NKAIN2: variants seen among roughly 807,000 people sequenced by gnomAD.
The protein encoded by NKAIN2 is sodium/potassium transporting ATPase interacting 2.
Under a neutral mutation model 32.6 loss-of-function variants are expected in NKAIN2, and 14 were observed. The ratio of observed to expected loss-of-function variants is 0.43; its 90% CI spans 0.28 to 0.67. The LOEUF (loss-of-function observed/expected upper bound fraction) is 0.67. NKAIN2 is among the 30% of genes least tolerant of loss of function. NKAIN2 has a pLI of 0.17. For missense variants in NKAIN2, 198 were observed against 258.3 expected (o/e 0.77, Z 1.60); for synonymous variants, 80 against 87.2 (o/e 0.92, Z 0.46).
At chr6:124,345,093 T>C in intron 2 of NKAIN2, among the ~76,000 whole-genome samples, 1 of 152,186 alleles carries the variant, frequency 6.6e-6, no homozygotes, top group Non-Finnish European at 1.5e-5. Context: ...GAGATAATCA[T>C]GTGGGTTTTG....
In NKAIN2 at chr6:124,445,288, A is replaced by G. The variant is rs541559893; in HGVS notation, c.273+89941A>G. On this transcript the variant is annotated intron_variant, in intron 3 of 6. Coordinates refer to ENST00000368417, the MANE Select transcript of NKAIN2 (RefSeq NM_001040214.3). Reference sequence around the variant, plus strand: ...TTTTTGGTTTTTGCTCTTCTTTGCTATTTGAGGTTTTATGTTGTCCCTATA... The same window carrying G: ...TTTTTGGTTTTTGCTCTTCTTTGCTGTTTGAGGTTTTATGTTGTCCCTATA... Among the ~76,000 whole-genome samples the G allele has an allele frequency of 3.1e-4, 47 of 152,186 alleles. No individual in the cohort carries two copies. In the South Asian group the frequency reaches 9.3e-3, roughly 30 times the overall value.
Position 124,413,195 on chromosome 6 carries a change from C to G in NKAIN2, c.273+57848C>G, listed in dbSNP as rs76851295. ...CACCCCATGTCCTGCAGCCACTGTC[C>G]GGCACTCCCCAGTGAGATGAACCCA... On this transcript the variant is annotated intron_variant, in intron 3 of 6. Transcript: ENST00000368417. Among the ~76,000 whole-genome samples, 1,449 of 152,220 alleles carry G rather than the reference C, an allele frequency of 9.5e-3. 20 individuals are homozygous for G. The highest frequency in any genetic ancestry group is 0.033 in the African/African-American group (1,383 of 41,522).
At chr6:124,742,591 T>C (rs930964907) in intron 4 of NKAIN2, among the ~76,000 whole-genome samples, 1 of 151,902 alleles carries the variant, frequency 6.6e-6, no homozygotes, top group African/African-American at 2.4e-5. Context: ...CCAGTTCTCA[T>C]AATAAATATA....
intron 1 of NKAIN2, among the ~76,000 whole-genome samples, chr6:124,028,212 T>C (rs1781206715): frequency 6.6e-6 from 1 of 152,136 alleles, no homozygotes; most frequent in Admixed American, 6.6e-5. Context: ...TAGCTTTAAA[T>C]CCTATTCTCT....
chr6:124,198,098 G>C (rs1790411184), intron 1 of NKAIN2, among the ~76,000 whole-genome samples: 1 of 151,942 alleles, frequency 6.6e-6, no homozygotes, highest in African/African-American at 2.4e-5. Flanking sequence ...AATAACTCTA[G>C]ATATGGGCTA....
intron 5 of NKAIN2, among the ~76,000 whole-genome samples, chr6:124,813,247 A>C (rs9385352): frequency 0.097 from 14,835 of 152,182 alleles, 1,256 homozygotes; most frequent in East Asian, 0.51. Flanking sequence ...CAGCAAAGGT[A>C]GTTTCTGATA....
chr6:124,487,513 T>C (rs1777698312), intron 3 of NKAIN2, among the ~76,000 whole-genome samples: 2 of 152,146 alleles, frequency 1.3e-5, no homozygotes. Context: ...ATGCCTGAGA[T>C]GAGAATTGAA....
chr6:124,217,014 T>C (rs1392518561), intron 1 of NKAIN2, among the ~76,000 whole-genome samples: 1 of 152,090 alleles, frequency 6.6e-6, no homozygotes, highest in South Asian at 2.1e-4. Flanking sequence ...TAATAATAAA[T>C]ATAAAATACA....
At chr6:123,887,407 C>A (rs1478816901) in intron 1 of NKAIN2, among the ~76,000 whole-genome samples, 1 of 152,124 alleles carries the variant, frequency 6.6e-6, no homozygotes, top group Non-Finnish European at 1.5e-5. Flanking sequence ...TTTTAGCACA[C>A]TTATCTTTAC....
intron 4 of NKAIN2, among the ~76,000 whole-genome samples, chr6:124,741,983 T>C (rs1777232650): frequency 6.6e-6 from 1 of 151,850 alleles, no homozygotes; most frequent in Non-Finnish European, 1.5e-5. Context: ...AATGAAAGTG[T>C]GGAATGTTCA....
chr6:124,174,753 C>G (rs1433991823), intron 1 of NKAIN2, among the ~76,000 whole-genome samples: 1 of 152,074 alleles, frequency 6.6e-6, no homozygotes, highest in Non-Finnish European at 1.5e-5. Context: ...GTCATATGAC[C>G]AAACCAACTA....
At chr6:124,720,687 G>A (rs928153596) in intron 4 of NKAIN2, among the ~76,000 whole-genome samples, 17 of 152,132 alleles carry the variant, frequency 1.1e-4, no homozygotes, top group Non-Finnish European at 2.4e-4. Flanking sequence ...ATAGCCACAC[G>A]GGTGTTGCAA....
chr6:124,619,782 A>G (rs980675254), intron 3 of NKAIN2, among the ~76,000 whole-genome samples: 2 of 152,166 alleles, frequency 1.3e-5, no homozygotes, highest in Non-Finnish European at 2.9e-5. Context: ...AGTGTCTCCT[A>G]TTTCCTTTTA....
intron 2 of NKAIN2, among the ~76,000 whole-genome samples, chr6:124,326,836 G>A (rs1478604864): frequency 6.6e-6 from 1 of 152,056 alleles, no homozygotes; most frequent in Admixed American, 6.6e-5. Context: ...CTACCAGGAG[G>A]GCATAGGTAA....
intron 1 of NKAIN2, among the ~76,000 whole-genome samples, chr6:123,956,636 G>C (rs917849085): frequency 6.6e-6 from 1 of 152,170 alleles, no homozygotes; most frequent in African/African-American, 2.4e-5. Context: ...ATGGCAGCCT[G>C]AGCTGATGAA....
chr6:124,442,364 C>CT (rs5879735), intron 3 of NKAIN2, among the ~76,000 whole-genome samples: 136,289 of 152,024 alleles, frequency 0.9, 61,340 homozygotes, highest in African/African-American at 0.97. Context: ...CATCAATGCC[C>CT]TTTTTTCTTT....
intron 5 of NKAIN2, among the ~76,000 whole-genome samples, chr6:124,794,650 T>G (rs534899376): frequency 6.6e-6 from 1 of 152,156 alleles, no homozygotes; most frequent in Non-Finnish European, 1.5e-5. Context: ...GCCTCAGATG[T>G]TCATGGGACT....
Position 124,712,082 on chromosome 6 carries a change from A to T in NKAIN2, c.474+53696A>T, listed in dbSNP as rs536772664. On this transcript the variant is annotated intron_variant, in intron 4 of 6. Coordinates refer to ENST00000368417, the MANE Select transcript of NKAIN2 (RefSeq NM_001040214.3). ...GTCTGTTGGAATACCCTGCCGTGTG[A>T]GGTGTCAGTGTGCCCCTGCTGGGGG... Among the ~76,000 whole-genome samples, 5 of 151,202 alleles carry T rather than the reference A, an allele frequency of 3.3e-5. 1 individual carries two copies. In the South Asian group the frequency reaches 1.1e-3, roughly 32 times the overall value.
chr6:124,480,934 C>T (rs1777420144), intron 3 of NKAIN2, among the ~76,000 whole-genome samples: 1 of 151,992 alleles, frequency 6.6e-6, no homozygotes, highest in African/African-American at 2.4e-5. Flanking sequence ...ATCCTATATA[C>T]AACCCAAAAA....
Sources: gnomAD v4.1 joint callset for allele counts (sites outside exome capture counted in the v4.1 genomes callset) on GRCh38, gnomAD v4.1.1 for gene constraint, MANE v1.5 for transcripts, NCBI Gene and HGNC (gene_info 2026-07-23, HGNC 2026-07-21) for gene names.